Variants in FTO observed in about 807,000 individuals in gnomAD.
FTO encodes FTO alpha-ketoglutarate dependent dioxygenase.
In FTO, 47 loss-of-function variants were observed where a neutral mutation model predicts 63.9. That is an observed-to-expected ratio of 0.74 (90% CI 0.58 to 0.94). FTO has a LOEUF of 0.94. Ranked by LOEUF, FTO falls within the 40% of genes least tolerant of loss-of-function variation. FTO has a pLI of 0.00. For missense variants in FTO, 562 were observed against 618.1 expected, an observed-to-expected ratio of 0.91 and a Z score of 0.96; for synonymous variants, 207 against 224.4, an observed-to-expected ratio of 0.92 and a Z score of 0.69.
At chr16:54,016,953 A>G (rs1474220347) in intron 8 of FTO, among the ~76,000 whole-genome samples, 1 of 152,128 alleles carries the variant, frequency 6.6e-6, no homozygotes, top group East Asian at 1.9e-4. Context: ...TTTTCTAAGA[A>G]CTCAATCTTG....
At chr16:53,780,779 G>C (rs1374231871) in intron 1 of FTO, among the ~76,000 whole-genome samples, 1 of 152,114 alleles carries the variant, frequency 6.6e-6, no homozygotes, top group Non-Finnish European at 1.5e-5. Flanking sequence ...CTGGCTGTGT[G>C]ATTTTGGAGA....
chr16:53,770,005 T>C (rs576061707), intron 1 of FTO, among the ~76,000 whole-genome samples: 2 of 152,180 alleles, frequency 1.3e-5, no homozygotes, highest in South Asian at 4.1e-4. Context: ...TCACATTCCA[T>C]TGGCCAGAAC....
At chr16:53,948,028 CAGT>C (rs1258524054) in intron 8 of FTO, among the ~76,000 whole-genome samples, 2 of 152,110 alleles carry the variant, frequency 1.3e-5, no homozygotes, top group Admixed American at 6.5e-5. Context: ...CGTACACAAA[CAGT>C]GGTGGTTTCG....
chr16:53,739,275 G>A (rs1370936942), intron 1 of FTO, among the ~76,000 whole-genome samples: 5 of 151,962 alleles, frequency 3.3e-5, no homozygotes, highest in South Asian at 2.1e-4. Flanking sequence ...GCACGATGTC[G>A]GCTCACTGCA....
At chr16:53,723,363 T>A (rs1402990863) in intron 1 of FTO, among the ~76,000 whole-genome samples, 1 of 152,214 alleles carries the variant, frequency 6.6e-6, no homozygotes, top group Non-Finnish European at 1.5e-5. Flanking sequence ...AAGTTTTTAG[T>A]ATTATTTCAT....
intron 4 of FTO, among the ~76,000 whole-genome samples, chr16:53,850,122 C>T (rs1489858474): frequency 6.6e-6 from 1 of 152,132 alleles, no homozygotes; most frequent in Non-Finnish European, 1.5e-5. Flanking sequence ...ATACAGAAAC[C>T]AGTAATAAAT....
chr16:53,761,150 GC>G (rs2077058764), intron 1 of FTO, among the ~76,000 whole-genome samples: 2 of 151,148 alleles, frequency 1.3e-5, no homozygotes, highest in African/African-American at 4.9e-5. Context: ...AGTCTGGTGT[GC>G]AGTGGCACAA....
chr16:54,060,655 G>C (rs527793777), intron 8 of FTO, among the ~76,000 whole-genome samples: 1 of 152,214 alleles, frequency 6.6e-6, no homozygotes, highest in East Asian at 1.9e-4. Context: ...ATGTATTCTA[G>C]AACAACAAAA....
At chr16:53,732,205 C>T (rs1379034270) in intron 1 of FTO, among the ~76,000 whole-genome samples, 2 of 151,900 alleles carry the variant, frequency 1.3e-5, no homozygotes, top group Non-Finnish European at 2.9e-5. Context: ...CCCGCCACCA[C>T]GCCCGGCTAA....
chr16:53,734,667 G>T (rs770436242), intron 1 of FTO, among the ~76,000 whole-genome samples: 1 of 152,214 alleles, frequency 6.6e-6, no homozygotes, highest in Non-Finnish European at 1.5e-5. Flanking sequence ...ATGGAACAGT[G>T]GCTTAATGAT....
intron 1 of FTO, chr16:53,711,428 A>G (rs2075774529): frequency 2.5e-6 from 1 of 398,628 alleles, no homozygotes; most frequent in East Asian, 3.6e-5. Context: ...ACACAGTCCC[A>G]TGGAACTGGC....
At chr16:54,102,213 T>C (rs904501826) in intron 8 of FTO, among the ~76,000 whole-genome samples, 47 of 152,144 alleles carry the variant, frequency 3.1e-4, no homozygotes, top group Non-Finnish European at 2.5e-4. Context: ...GAAGACAAAC[T>C]AGGCAATAGC....
chr16:53,879,691 T>TAAAAAA (rs34252518), intron 5 of FTO, among the ~76,000 whole-genome samples, 153 bp from the exon 6 acceptor site: 4 of 95,114 alleles, frequency 4.2e-5, no homozygotes, highest in African/African-American at 8.1e-5. Flanking sequence ...ATCTCAAAAT[T>TAAAAAA]AAAAAAAAAA....
intron 8 of FTO, among the ~76,000 whole-genome samples, chr16:53,984,601 G>T (rs746905500): frequency 6.6e-6 from 1 of 152,054 alleles, no homozygotes; most frequent in African/African-American, 2.4e-5. Context: ...GATTACTGGC[G>T]TGAGCTACTG....
At chr16:53,985,438 C>T (rs1311714094) in intron 8 of FTO, among the ~76,000 whole-genome samples, 1 of 152,088 alleles carries the variant, frequency 6.6e-6, no homozygotes, top group Non-Finnish European at 1.5e-5. Context: ...AGGGAATTGC[C>T]ACAGTTTTGG....
At chr16:53,883,625 AAAAAAAAAAAC>A (rs2080908696) in intron 6 of FTO, among the ~76,000 whole-genome samples, 1 of 144,748 alleles carries the variant, frequency 6.9e-6, no homozygotes, top group African/African-American at 2.6e-5. Flanking sequence ...TCTATCTCAA[AAAAAAAAAAAC>A]AAAAAAAAAA....
intron 1 of FTO, among the ~76,000 whole-genome samples, chr16:53,745,493 T>A (rs991738680): frequency 6.6e-6 from 1 of 152,204 alleles, no homozygotes; most frequent in African/African-American, 2.4e-5. Flanking sequence ...TGTGATTGCA[T>A]TGGTTCAGTT....
chr16:53,992,196 T>G (rs531012843), intron 8 of FTO: 23 of 152,230 alleles, frequency 1.5e-4, no homozygotes, highest in Non-Finnish European at 3.1e-4. Context: ...ACCATGTTCT[T>G]TTTATCTTTA....
chr16:54,099,963 G>A (rs1225888614), intron 8 of FTO, among the ~76,000 whole-genome samples: 4 of 152,108 alleles, frequency 2.6e-5, no homozygotes, highest in Non-Finnish European at 5.9e-5. Context: ...CTCCCCCACC[G>A]CAACCCACCT....
Sources: allele counts gnomAD v4.1 joint callset (sites outside exome capture counted in the v4.1 genomes callset), GRCh38; gene constraint gnomAD v4.1.1; transcripts MANE v1.5; gene names NCBI Gene and HGNC (gene_info 2026-07-23, HGNC 2026-07-21).